XRRA1: variants seen among roughly 807,000 people sequenced by gnomAD.
The protein encoded by XRRA1 is X-ray radiation resistance associated 1.
A neutral mutation model predicts 80.2 loss-of-function variants in XRRA1; 69 were observed. The observed-to-expected ratio is 0.86, with a 90% CI of 0.71 to 1.05. The LOEUF is 1.05. XRRA1 is among the 50% of genes least tolerant of loss of function. The pLI is 0.00. For missense variants in XRRA1, 967 were observed against 976.4 expected, an observed-to-expected ratio of 0.99 and a Z score of 0.13; for synonymous variants, 348 against 389.9, an observed-to-expected ratio of 0.89 and a Z score of 1.27.
chr11:74,888,321 T>C (rs1461453897), intron 10 of XRRA1, among the ~76,000 whole-genome samples: 1 of 152,036 alleles, frequency 6.6e-6, no homozygotes, highest in African/African-American at 2.4e-5. Flanking sequence ...GGGTCTAGAG[T>C]GGACCTCCAG....
chr11:74,843,534 A>G, intron 18 of XRRA1, 81 bp from the exon 19 acceptor site: 1 of 1,514,870 alleles, frequency 6.6e-7, no homozygotes, highest in East Asian at 2.4e-5. Context: ...GGGTCCAGAG[A>G]CCCTTGGAAA....
chr11:74,889,843 A>G (rs1284708962), intron 10 of XRRA1, among the ~76,000 whole-genome samples: 1 of 152,220 alleles, frequency 6.6e-6, no homozygotes, highest in Non-Finnish European at 1.5e-5. Context: ...TTCAACAAGA[A>G]GAGCTAACTA....
At chr11:74,865,285 T>A (rs35802300) in intron 10 of XRRA1, among the ~76,000 whole-genome samples, 93,477 of 151,726 alleles carry the variant, frequency 0.62, 30,179 homozygotes, top group African/African-American at 0.8. Context: ...GCAGATCCTG[T>A]GTGGGCCCAG....
chr11:74,889,801 C>CGAA (rs2050148429), intron 10 of XRRA1, among the ~76,000 whole-genome samples: 5 of 149,516 alleles, frequency 3.3e-5, no homozygotes, highest in Non-Finnish European at 7.5e-5. Context: ...TCAAAGGAGA[C>CGAA]GAAGGCCATT....
At chr11:74,865,455 A>G (rs2043200043) in intron 10 of XRRA1, among the ~76,000 whole-genome samples, 1 of 151,950 alleles carries the variant, frequency 6.6e-6, no homozygotes, top group Non-Finnish European at 1.5e-5. Flanking sequence ...CCCTCCCTCT[A>G]CAATCAGGGA....
chr11:74,916,566 G>A (rs1200039788), intron 8 of XRRA1, among the ~76,000 whole-genome samples: 1 of 151,444 alleles, frequency 6.6e-6, no homozygotes, highest in Non-Finnish European at 1.5e-5. Flanking sequence ...TCATTTTCTT[G>A]ACTTTATTCA....
rs1169806587 is a variant in XRRA1 at position 74,906,257 on chromosome 11, T to C, written c.985A>G (p.Lys329Glu). The change falls in exon 10 of 19, where the codon AAG (lysine) becomes GAG (glutamate). Residue 329 changes from lysine (K) to glutamate (E), a missense_variant. Physicochemically the swap from Lys to Glu is moderately conservative, Grantham distance 56. Transcript: ENST00000684022. The part of the protein sequence containing the change: ...QLDYTVLPMK[K>E]DVDRTEVVFS... The stretch of plus-strand genomic sequence containing the variant: ...CACTCACCTGTCCGGTCAACATCCT[T>C]TTTCATGGGCAGTACAGTATAATCC... 1.2e-6 allele frequency: 2 copies of C among 1,613,872 alleles called. No individual in the cohort carries two copies. Among genetic ancestry groups the C allele is most frequent in the Non-Finnish European group, 1.7e-6 (2 of 1,179,838 alleles).
At position 74,844,176 on chromosome 11, in the gene XRRA1, C is replaced by T. The variant is rs771363741; in HGVS notation, c.2035G>A (p.Glu679Lys). The change falls in exon 17 of 19, where the codon GAG becomes AAG. Residue 679 changes from glutamate (E) to lysine (K), a missense_variant. Glu to Lys is a moderately conservative substitution (Grantham distance 56). Coordinates refer to ENST00000684022, the MANE Select transcript of XRRA1 (RefSeq NM_001378157.1). ...GTGAGCTGGATGTTTACCCGTTTCT[C>T]TTTGTGAACATAGGGTTTCTGAAGA... ...DTLQKPYVHK[E>K]KRAQRIPIPP... 2 of 1,613,770 alleles carry T rather than the reference C, an allele frequency of 1.2e-6. No homozygotes were observed. The highest frequency in any genetic ancestry group is 1.7e-6 in the Non-Finnish European group (2 of 1,179,714).
At chr11:74,858,491 T>G (rs1372649584) in intron 12 of XRRA1, among the ~76,000 whole-genome samples, 2 of 152,250 alleles carry the variant, frequency 1.3e-5, no homozygotes, top group Non-Finnish European at 2.9e-5. Context: ...TGTAGAGGAA[T>G]GTAAGCAGAG....
chr11:74,852,153 C>T, intron 12 of XRRA1, 71 bp from the exon 13 acceptor site: 1 of 1,279,636 alleles, frequency 7.8e-7, no homozygotes, highest in Non-Finnish European at 1.1e-6. Context: ...GTCTAGGCCC[C>T]TCACTGCAGG....
At chr11:74,862,024 C>CT (rs2042412609) in intron 11 of XRRA1, among the ~76,000 whole-genome samples, 1 of 152,208 alleles carries the variant, frequency 6.6e-6, no homozygotes, top group African/African-American at 2.4e-5. Flanking sequence ...TTTTGACTTG[C>CT]TTTGACCAAT....
At position 74,845,013 on chromosome 11, in the gene XRRA1, A is replaced by T. The variant is rs571434359; in HGVS notation, c.1927+60T>A. ...TGGTGCCAGCCTTGGCTTGACCCTGACTTGCTCTGAGCTGTGGAGATGGCC... is the reference window on the plus strand; with the variant it reads ...TGGTGCCAGCCTTGGCTTGACCCTGTCTTGCTCTGAGCTGTGGAGATGGCC... On this transcript the variant is annotated intron_variant, in intron 16 of 18. Transcript: ENST00000684022. 5.8e-6 allele frequency: 9 copies of T among 1,561,402 alleles called. No homozygotes were observed. The East Asian group carries it at 2.0e-4, about 35-fold the overall frequency.
Position 74,933,819 on chromosome 11 carries a change from A to G in XRRA1, c.333T>C (p.Ser111=). 1.3e-6 allele frequency: 2 copies of G among 1,598,728 alleles called. No individual in the cohort carries two copies. The highest frequency in any genetic ancestry group is 4.5e-5 in the East Asian group (2 of 44,524). Residue 111 remains serine (S), a synonymous_variant, in exon 5 of 19, where the codon AGT becomes AGC. Transcript: ENST00000684022. Reference sequence around the variant, plus strand: ...ACCTCACCTTGGAGAACTTCAGGCCACTCACATTAATGGTGCACAGATCTG... The same window carrying G: ...ACCTCACCTTGGAGAACTTCAGGCCGCTCACATTAATGGTGCACAGATCTG... ...KPSDLCTINV[S]GLKFSKAKEN...
Position 74,890,219 on chromosome 11 carries a change from G to A in XRRA1, c.1003+16020C>T, listed in dbSNP as rs548099873. ...AAACTGTCTCTCAGACCACAGTGCA[G>A]TCAAACTAGAACTCAGGATTAAGAA... On this transcript the variant is annotated intron_variant, in intron 10 of 18. Transcript: ENST00000684022. Among the ~76,000 whole-genome samples the A allele has an allele frequency of 2.9e-3, 449 of 152,212 alleles. 2 individuals carry two copies. Among genetic ancestry groups the A allele is most frequent in the South Asian group, 0.022 (108 of 4,816 alleles).
In XRRA1 at chr11:74,841,459, G is replaced by C. The variant is rs1488243176; in HGVS notation, c.*1741C>G. The C allele has an allele frequency of 6.6e-6, 1 of 152,172 alleles. No individual in the cohort carries two copies. The highest frequency in any genetic ancestry group is 2.4e-5 in the African/African-American group (1 of 41,446). The allele number at this position is 152,172 out of a possible 1,614,324, so 9.4% of individuals were successfully genotyped here. On this transcript the variant is annotated 3_prime_UTR_variant, in exon 19 of 19. Transcript: ENST00000684022. ...TATATGCAAGGGTCACCAGTTTAGA[G>C]ATCAGTCAAATTGGAAAAAGTGCCA...
At chr11:74,893,589 A>G (rs2051396350) in intron 10 of XRRA1, among the ~76,000 whole-genome samples, 1 of 152,002 alleles carries the variant, frequency 6.6e-6, no homozygotes. Flanking sequence ...AAAGACTTCA[A>G]AAGAAAAAAA....
chr11:74,906,821 T>C, intron 9 of XRRA1: 1 of 392,504 alleles, frequency 2.5e-6, no homozygotes, highest in African/African-American at 2.0e-5. Context: ...TAAATTTCTC[T>C]TTCTGATTCT....
Position 74,851,991 on chromosome 11 carries a change from C to T in XRRA1, c.1262G>A (p.Arg421Gln), listed in dbSNP as rs745942861. 19 of 1,613,558 alleles carry T rather than the reference C, an allele frequency of 1.2e-5. No individual in the cohort carries two copies. The South Asian group carries it at 1.3e-4, about 11-fold the overall frequency. ...FHNNPLVAHTRGVPPLLKSFL... is the reference protein window; with the variant it reads ...FHNNPLVAHTQGVPPLLKSFL... ...GGGCAGGTTTGCGGGCACTATACCTCGTGTATGGGCCACCAGAGGGTTGTT... is the reference window on the plus strand; with the variant it reads ...GGGCAGGTTTGCGGGCACTATACCTTGTGTATGGGCCACCAGAGGGTTGTT... The change falls in exon 13 of 19, where the codon CGA becomes CAA. Residue 421 changes from arginine to glutamine, a missense_variant and splice_region_variant. Physicochemically the swap from Arg to Gln is conservative, Grantham distance 43. Transcript: ENST00000684022.
At chr11:74,894,713 T>C (rs1313079758) in intron 10 of XRRA1, among the ~76,000 whole-genome samples, 1 of 152,154 alleles carries the variant, frequency 6.6e-6, no homozygotes, top group African/African-American at 2.4e-5. Flanking sequence ...TTACAATTAA[T>C]TCAAGATGAG....
Sources: allele counts gnomAD v4.1 joint callset (sites outside exome capture counted in the v4.1 genomes callset), GRCh38; gene constraint gnomAD v4.1.1; transcripts MANE v1.5; gene names NCBI Gene and HGNC (gene_info 2026-07-23, HGNC 2026-07-21).